Variants in SAMD5 observed in about 807,000 individuals in gnomAD.
SAMD5 encodes sterile alpha motif domain-containing protein 5.
Under a neutral mutation model 11.3 loss-of-function variants are expected in SAMD5, and 13 were observed. The observed-to-expected ratio is 1.15, with a 90% CI of 0.75 to 1.83. SAMD5 has a LOEUF of 1.83. SAMD5 is among the 40% of genes most tolerant of loss of function. The probability of loss-of-function intolerance (pLI) is 0.00; values close to 1 mark genes in which losing one functional copy is unlikely to be tolerated. For missense variants in SAMD5, 255 were observed against 239.1 expected, an observed-to-expected ratio of 1.07 and a Z score of -0.44; for synonymous variants, 129 against 111.3, an observed-to-expected ratio of 1.16 and a Z score of -1.00.
intron 1 of SAMD5, among the ~76,000 whole-genome samples, chr6:147,701,698 G>C (rs1351613853): frequency 6.6e-6 from 1 of 151,628 alleles, no homozygotes; most frequent in Non-Finnish European, 1.5e-5. Context: ...TATTCAGTTA[G>C]AGGGTTCATT....
At chr6:147,574,050 C>T (rs956186549), downstream of SAMD5, among the ~76,000 whole-genome samples, 1 of 151,978 alleles carries the variant, frequency 6.6e-6, no homozygotes, top group Admixed American at 6.6e-5. Context: ...ATGGCATGAA[C>T]CCAGGAGGCG....
chr6:147,511,811 T>A (rs1788095219), intron 1 of SAMD5, among the ~76,000 whole-genome samples: 4 of 152,170 alleles, frequency 2.6e-5, no homozygotes, highest in Admixed American at 1.3e-4. Context: ...GCCTCTTAAG[T>A]TTTGGATTTT....
chr6:147,725,634 C>T (rs1200038430), intron 1 of SAMD5, among the ~76,000 whole-genome samples: 2 of 152,176 alleles, frequency 1.3e-5, no homozygotes, highest in Admixed American at 1.3e-4. Context: ...GGTGATCCAC[C>T]CGCCTTGGCC....
chr6:147,932,588 TTGTGTGTGTGTGTGTGTGTGTGTG>T, the SAMD5 span, among the ~76,000 whole-genome samples: 8 of 131,172 alleles, frequency 6.1e-5, no homozygotes, highest in East Asian at 2.3e-4. Context: ...TCTTACAGAA[TTGTGTGTGTGTGTGTGTGTGTGTG>T]TGTGTGTGTG....
downstream of SAMD5, among the ~76,000 whole-genome samples, chr6:147,738,180 A>T (rs549275770): frequency 2.0e-5 from 3 of 152,222 alleles, no homozygotes; most frequent in East Asian, 5.8e-4. Context: ...TTTTGGCAGG[A>T]AAAGGTATGG....
chr6:147,646,010 CTATGTATCTATCTATG>C (rs78528120), intron 1 of SAMD5, among the ~76,000 whole-genome samples: 5,724 of 40,490 alleles, frequency 0.14, 174 homozygotes, highest in South Asian at 0.28. Context: ...GTCTGTCTGT[CTATGTATCTATCTATG>C]TATCTATCTA....
At chr6:147,720,297 TG>T (rs1488459024) in intron 1 of SAMD5, among the ~76,000 whole-genome samples, 2 of 151,924 alleles carry the variant, frequency 1.3e-5, no homozygotes, top group Non-Finnish European at 2.9e-5. Flanking sequence ...CCGTCTCTAC[TG>T]AAAAAATACA....
intron 1 of SAMD5, chr6:147,737,259 A>G (rs1791817883): frequency 1.9e-6 from 2 of 1,065,726 alleles, no homozygotes; most frequent in Non-Finnish European, 2.4e-6. Flanking sequence ...GTGCTTTTTC[A>G]CTATGATTTC....
chr6:147,937,222 T>C, the SAMD5 span, among the ~76,000 whole-genome samples: 1 of 152,208 alleles, frequency 6.6e-6, no homozygotes, highest in African/African-American at 2.4e-5. Flanking sequence ...GCCTCTAGGT[T>C]CTTTTTGTTT....
intron 1 of SAMD5, among the ~76,000 whole-genome samples, chr6:147,545,206 A>G (rs142401468): frequency 3.9e-5 from 6 of 152,332 alleles, no homozygotes; most frequent in Non-Finnish European, 7.3e-5. Context: ...AAAGCTTAAG[A>G]CCTACATTAG....
the SAMD5 span, among the ~76,000 whole-genome samples, chr6:147,800,356 A>C: frequency 1.3e-5 from 2 of 152,084 alleles, no homozygotes; most frequent in African/African-American, 4.8e-5. Context: ...CCCCTGCTGG[A>C]GGGTGCCTCC....
chr6:147,606,336 C>T (rs1789699610), intron 1 of SAMD5, among the ~76,000 whole-genome samples: 1 of 151,884 alleles, frequency 6.6e-6, no homozygotes, highest in African/African-American at 2.4e-5. Flanking sequence ...TGGATTCCCA[C>T]TTGATTTCCT....
chr6:147,720,886 C>A (rs1338898853), intron 1 of SAMD5, among the ~76,000 whole-genome samples: 2 of 132,534 alleles, frequency 1.5e-5, no homozygotes, highest in African/African-American at 2.9e-5. Flanking sequence ...GTGTGATGTT[C>A]CCCTTCCTGT....
intron 1 of SAMD5, among the ~76,000 whole-genome samples, chr6:147,588,180 T>A (rs184685299): frequency 1.3e-5 from 2 of 151,960 alleles, no homozygotes; most frequent in East Asian, 3.9e-4. Flanking sequence ...TCAAAAGGAG[T>A]TATTATAAGC....
chr6:147,526,693 A>C (rs551190966), intron 1 of SAMD5, among the ~76,000 whole-genome samples: 1 of 152,366 alleles, frequency 6.6e-6, no homozygotes, highest in East Asian at 1.9e-4. Context: ...TTGTATATTC[A>C]GCAGCTTGCT....
intron 1 of SAMD5, among the ~76,000 whole-genome samples, chr6:147,615,418 G>T (rs9399610): frequency 0.18 from 27,191 of 152,148 alleles, 4,986 homozygotes; most frequent in African/African-American, 0.47. Context: ...TGTGAACCAT[G>T]TAATAGTTAT....
chr6:147,611,187 C>T (rs531797495), intron 1 of SAMD5, among the ~76,000 whole-genome samples: 3 of 152,096 alleles, frequency 2.0e-5, no homozygotes, highest in Non-Finnish European at 2.9e-5. Context: ...CAGAGTTCAT[C>T]GTCAGAAGTT....
At position 147,590,536 on chromosome 6, in the gene SAMD5, C is replaced by A. The variant is rs187935893; in HGVS notation, c.162+81149C>A. 5.1e-4 allele frequency among the ~76,000 whole-genome samples: 77 copies of A among 152,296 alleles called. 2 individuals are homozygous for A. Among genetic ancestry groups the A allele is most frequent in the African/African-American group, 1.8e-3 (73 of 41,578 alleles). On this transcript the variant is annotated intron_variant, in intron 1 of 1. Transcript: ENST00000566741. ...CAAGCAATCCTCCCACCTCGGCCTC[C>A]TGAGTAGCTGGGATTACAGGCACGC...
the SAMD5 span, among the ~76,000 whole-genome samples, chr6:147,882,399 T>C: frequency 1.3e-5 from 2 of 152,162 alleles, no homozygotes; most frequent in South Asian, 2.1e-4. Flanking sequence ...TGTGTAGTCA[T>C]AGTACATGCT....
Sources: gnomAD v4.1 joint callset for allele counts (sites outside exome capture counted in the v4.1 genomes callset) on GRCh38, gnomAD v4.1.1 for gene constraint, MANE v1.5 for transcripts, NCBI Gene and HGNC (gene_info 2026-07-23, HGNC 2026-07-21) for gene names.